Variants in OR2L13 observed in about 807,000 individuals in gnomAD.
The protein encoded by OR2L13 is olfactory receptor family 2 subfamily L member 13.
A neutral mutation model predicts 15.3 loss-of-function variants in OR2L13; 14 were observed. The observed-to-expected ratio is 0.91, with a 90% CI of 0.60 to 1.43. The LOEUF (loss-of-function observed/expected upper bound fraction) is 1.43, where lower values mean the gene tolerates loss of function less well. OR2L13 is among the 40% of genes most tolerant of loss of function. The probability of loss-of-function intolerance (pLI) is 0.00; values close to 1 mark genes in which losing one functional copy is unlikely to be tolerated. For synonymous variants in OR2L13, 152 were observed against 142.9 expected, an observed-to-expected ratio of 1.06 and a Z score of -0.45; for missense variants, 367 against 387.9, an observed-to-expected ratio of 0.95 and a Z score of 0.45.
At chr1:247,940,895 G>C in the OR2L13 span, among the ~76,000 whole-genome samples, 1 of 152,208 alleles carries the variant, frequency 6.6e-6, no homozygotes, top group South Asian at 2.1e-4. Context: ...TTTCTCTGCA[G>C]CTTCATCAAC....
the OR2L13 span, among the ~76,000 whole-genome samples, chr1:247,955,185 G>A: frequency 6.6e-6 from 1 of 151,536 alleles, no homozygotes; most frequent in African/African-American, 2.4e-5. Flanking sequence ...ACCTATGAGT[G>A]AGAACATGCA....
At chr1:248,029,491 A>G in the OR2L13 span, among the ~76,000 whole-genome samples, 2 of 152,172 alleles carry the variant, frequency 1.3e-5, no homozygotes, top group African/African-American at 4.8e-5. Context: ...CAAAGAGAGT[A>G]ATAACAACAT....
the OR2L13 span, among the ~76,000 whole-genome samples, chr1:248,010,343 A>C: frequency 6.6e-6 from 1 of 152,082 alleles, no homozygotes; most frequent in African/African-American, 2.4e-5. Flanking sequence ...TTTACTTCCA[A>C]TTATGTTGGG....
chr1:248,023,115 G>A, the OR2L13 span: 4 of 383,462 alleles, frequency 1.0e-5, no homozygotes, highest in Non-Finnish European at 1.9e-5. Flanking sequence ...ACACTAAATT[G>A]TAAGGCCATA....
At chr1:247,975,550 T>C in the OR2L13 span, 5 of 1,251,158 alleles carry the variant, frequency 4.0e-6, no homozygotes, top group East Asian at 9.4e-5. Context: ...GGCTGTGTTC[T>C]ACACCATCCT....
the OR2L13 span, among the ~76,000 whole-genome samples, chr1:248,050,834 T>C: frequency 6.6e-6 from 1 of 152,176 alleles, no homozygotes; most frequent in Non-Finnish European, 1.5e-5. Context: ...ATGACATTTA[T>C]GAAAATTTGC....
chr1:248,043,414 A>G, the OR2L13 span, among the ~76,000 whole-genome samples: 1 of 152,192 alleles, frequency 6.6e-6, no homozygotes, highest in Non-Finnish European at 1.5e-5. Flanking sequence ...GGCCGATATG[A>G]AGGAGATATG....
At chr1:248,080,030 A>G in the OR2L13 span, among the ~76,000 whole-genome samples, 1 of 152,088 alleles carries the variant, frequency 6.6e-6, no homozygotes, top group African/African-American at 2.4e-5. Context: ...CTCCCCACCA[A>G]TATGTTAGAA....
chr1:248,073,385 C>A, the OR2L13 span, among the ~76,000 whole-genome samples: 643 of 151,714 alleles, frequency 4.2e-3, 5 homozygotes, highest in Non-Finnish European at 5.5e-3. Context: ...GACAAAAAAC[C>A]AAATACCACA....
the OR2L13 span, chr1:247,991,210 T>G: frequency 6.4e-7 from 1 of 1,550,616 alleles, no homozygotes; most frequent in Non-Finnish European, 8.9e-7. Flanking sequence ...AATATAGACA[T>G]ACGTTCTGCC....
chr1:248,049,318 G>T, the OR2L13 span, among the ~76,000 whole-genome samples: 1 of 152,172 alleles, frequency 6.6e-6, no homozygotes, highest in Admixed American at 6.5e-5. Context: ...GGATAGGAAA[G>T]AGATCCATGC....
chr1:247,956,552 G>A, the OR2L13 span, among the ~76,000 whole-genome samples: 1 of 150,468 alleles, frequency 6.6e-6, no homozygotes, highest in Non-Finnish European at 1.5e-5. Flanking sequence ...CCATTTTCAT[G>A]ATATTGATTC....
chr1:247,954,669 C>T, the OR2L13 span, among the ~76,000 whole-genome samples: 33 of 151,346 alleles, frequency 2.2e-4, no homozygotes, highest in South Asian at 5.6e-3. Context: ...CTAGTGACTA[C>T]AAAATTAGTA....
At chr1:247,937,485 T>G in the OR2L13 span, 1 of 155,648 alleles carries the variant, frequency 6.4e-6, no homozygotes, top group Non-Finnish European at 1.4e-5. Context: ...AGCTCAGGGA[T>G]GGGGCTGGCT....
chr1:247,996,509 A>G, the OR2L13 span, among the ~76,000 whole-genome samples: 1 of 152,148 alleles, frequency 6.6e-6, no homozygotes, highest in Non-Finnish European at 1.5e-5. Flanking sequence ...GGCCTACTCT[A>G]TGCTTGGTTT....
the OR2L13 span, among the ~76,000 whole-genome samples, chr1:248,059,362 C>A: frequency 6.6e-6 from 1 of 152,158 alleles, no homozygotes; most frequent in African/African-American, 2.4e-5. Context: ...ATTCTAGTTT[C>A]CCTTTTTATT....
the OR2L13 span, among the ~76,000 whole-genome samples, chr1:248,021,285 C>T: frequency 1.4e-4 from 22 of 152,064 alleles, no homozygotes; most frequent in East Asian, 5.8e-4. Flanking sequence ...ATAGAGAATA[C>T]GATTTTTTTT....
chr1:247,957,831 G>C, the OR2L13 span, among the ~76,000 whole-genome samples: 8 of 152,044 alleles, frequency 5.3e-5, no homozygotes, highest in Middle Eastern at 3.4e-3. Context: ...ATTCTTCTCT[G>C]TTTTCTTCTT....
At chr1:247,983,596 TAGAC>T in the OR2L13 span, among the ~76,000 whole-genome samples, 6 of 152,230 alleles carry the variant, frequency 3.9e-5, no homozygotes, top group South Asian at 4.1e-4. Context: ...TTAAATTACT[TAGAC>T]AGATATATAA....
Sources: allele counts gnomAD v4.1 joint callset (sites outside exome capture counted in the v4.1 genomes callset), GRCh38; gene constraint gnomAD v4.1.1; transcripts MANE v1.5; gene names NCBI Gene and HGNC (gene_info 2026-07-23, HGNC 2026-07-21).